Variants in PARPBP observed in about 807,000 individuals in gnomAD.
PARPBP encodes PARP1 binding protein.
In PARPBP, 52 loss-of-function variants were observed where a neutral mutation model predicts 50.0. The ratio of observed to expected loss-of-function variants is 1.04; its 90% CI spans 0.83 to 1.31. The LOEUF (loss-of-function observed/expected upper bound fraction) is 1.31, where lower values mean the gene tolerates loss of function less well. PARPBP is among the 50% of genes most tolerant of loss of function. The probability of loss-of-function intolerance (pLI) is 0.00; values close to 1 mark genes in which losing one functional copy is unlikely to be tolerated. For missense variants in PARPBP, 697 were observed against 672.0 expected (o/e 1.04, Z -0.41); for synonymous variants, 244 against 232.1 (o/e 1.05, Z -0.47).
chr12:102,155,452 G>C (rs909861813), intron 4 of PARPBP, among the ~76,000 whole-genome samples: 1 of 151,976 alleles, frequency 6.6e-6, no homozygotes, highest in Non-Finnish European at 1.5e-5. Context: ...CTGGGAAGGT[G>C]ACCGCATCCA....
intron 6 of PARPBP, among the ~76,000 whole-genome samples, chr12:102,174,791 T>A (rs1026491150): frequency 6.6e-6 from 1 of 152,226 alleles, no homozygotes; most frequent in Non-Finnish European, 1.5e-5. Flanking sequence ...ACTCTTAATT[T>A]TAGGTGTGGT....
intron 4 of PARPBP, among the ~76,000 whole-genome samples, chr12:102,162,651 T>A (rs1887719459): frequency 6.6e-6 from 1 of 152,072 alleles, no homozygotes; most frequent in Non-Finnish European, 1.5e-5. Context: ...TGGGACCTTT[T>A]CTCTACAAAA....
rs574571653 is a variant in PARPBP at position 102,192,280 on chromosome 12, A to G, written c.1264-3032A>G. 2.0e-5 allele frequency among the ~76,000 whole-genome samples: 3 copies of G among 152,272 alleles called. No individual in the cohort carries two copies. The South Asian group carries it at 6.2e-4, about 32-fold the overall frequency. ...GTCTACATAGATTTCTGCAGTTTAT[A>G]TAACCTTGACATATGTTAACTGCAT... is the stretch of plus-strand genomic sequence containing the variant. On this transcript the variant is annotated intron_variant, in intron 9 of 10. Coordinates refer to ENST00000327680, the MANE Select transcript of PARPBP (RefSeq NM_017915.5).
Position 102,157,993 on chromosome 12 carries a change from G to A in PARPBP, c.495+4017G>A, listed in dbSNP as rs191846305. On this transcript the variant is annotated intron_variant, in intron 4 of 10. Coordinates refer to ENST00000327680, the MANE Select transcript of PARPBP (RefSeq NM_017915.5). Reference sequence around the variant, plus strand: ...AAAGTAGCCAGGTGTAATGGTGGGCGCCTGTAGTCCCAGCTACTCTGGAGG... The same window carrying A: ...AAAGTAGCCAGGTGTAATGGTGGGCACCTGTAGTCCCAGCTACTCTGGAGG... 4.4e-4 allele frequency among the ~76,000 whole-genome samples: 67 copies of A among 151,872 alleles called. 1 individual carries two copies. The highest frequency in any genetic ancestry group is 1.6e-3 in the African/African-American group (65 of 41,434).
intron 4 of PARPBP, among the ~76,000 whole-genome samples, chr12:102,158,229 A>AGT (rs987669236): frequency 2.0e-5 from 3 of 152,070 alleles, no homozygotes. Context: ...AATGAGATGA[A>AGT]GTACCCTTCT....
At chr12:102,120,542 T>C (rs1880855097) in intron 1 of PARPBP, 1 of 455,572 alleles carries the variant, frequency 2.2e-6, no homozygotes, top group Non-Finnish European at 4.4e-6. Flanking sequence ...CGTAGAGGCC[T>C]GCTTAACTTC....
At chr12:102,172,297 C>G (rs773026704) in intron 6 of PARPBP, among the ~76,000 whole-genome samples, 1 of 152,244 alleles carries the variant, frequency 6.6e-6, no homozygotes, top group Admixed American at 6.5e-5. Flanking sequence ...CCTCCTCCTT[C>G]TCTCTACTTC....
At chr12:102,191,790 A>G (rs1408246392) in intron 9 of PARPBP, among the ~76,000 whole-genome samples, 1 of 152,182 alleles carries the variant, frequency 6.6e-6, no homozygotes, top group Non-Finnish European at 1.5e-5. Context: ...ATCACTCTAC[A>G]AAGGAATACT....
At chr12:102,123,162 T>C (rs1881422113) in intron 1 of PARPBP, among the ~76,000 whole-genome samples, 2 of 152,210 alleles carry the variant, frequency 1.3e-5, no homozygotes, top group African/African-American at 2.4e-5. Context: ...AGGCATCCAC[T>C]GTCTGACATG....
Position 102,196,769 on chromosome 12 carries a change from A to C in PARPBP, c.*478A>C. 1 of 1,275,750 alleles carries C rather than the reference A, an allele frequency of 7.8e-7. No homozygotes were observed. The highest frequency in any genetic ancestry group is 1.1e-6 in the Non-Finnish European group (1 of 877,786). 79.0% of individuals were successfully genotyped at this position (1,275,750 alleles called of 1,614,324 possible). The stretch of plus-strand genomic sequence containing the variant: ...TATCACACAAAATTTATTAAGAAAA[A>C]AAGAATGGATCTAGTATAACTAATT... On this transcript the variant is annotated 3_prime_UTR_variant, in exon 11 of 11. Transcript: ENST00000327680.
chr12:102,173,950 C>A (rs375254173), intron 6 of PARPBP, among the ~76,000 whole-genome samples: 2 of 146,838 alleles, frequency 1.4e-5, no homozygotes, highest in East Asian at 2.0e-4. Flanking sequence ...CACCTAAGTA[C>A]TTTTGTATTG....
chr12:102,146,378 A>G (rs1318553728), intron 2 of PARPBP, among the ~76,000 whole-genome samples: 1 of 152,200 alleles, frequency 6.6e-6, no homozygotes, highest in East Asian at 1.9e-4. Flanking sequence ...GATATAGATC[A>G]ATGGAACAGA....
chr12:102,175,645 C>T lies in PARPBP; in HGVS notation c.984C>T (p.Thr328=). ...AAGAAGGTGTTGTAGCTCTTAGCAC[C>T]ACTGACATCAGTCCTGCTCGGGTAA... is the stretch of plus-strand genomic sequence containing the variant. ...NSQEGVVALS[T]TDISPARPKS... is the part of the protein sequence containing the mutation. Residue 328 remains threonine (T), a synonymous_variant, in exon 7 of 11, where the codon ACC becomes ACT. Coordinates refer to ENST00000327680, the MANE Select transcript of PARPBP (RefSeq NM_017915.5). The T allele has an allele frequency of 6.2e-7, 1 of 1,611,736 alleles. No individual in the cohort carries two copies. Among genetic ancestry groups the T allele is most frequent in the South Asian group, 1.1e-5 (1 of 90,886 alleles).
At chr12:102,129,599 C>T (rs936712506) in intron 2 of PARPBP, among the ~76,000 whole-genome samples, 3 of 151,988 alleles carry the variant, frequency 2.0e-5, no homozygotes, top group African/African-American at 7.3e-5. Flanking sequence ...TAAATTTAAG[C>T]CTTTAATACA....
rs1280251416 is a variant in PARPBP at position 102,164,643 on chromosome 12, C to T, written c.666+35C>T. ...TGTGACATGTTCAAAATTAAGACTC[C>T]TTGCACAGTGGATCCATGTATCCTA... On this transcript the variant is annotated intron_variant, in intron 5 of 10. Transcript: ENST00000327680. 1.9e-6 allele frequency: 3 copies of T among 1,560,800 alleles called. No homozygotes were observed. In the South Asian group the frequency reaches 3.3e-5, roughly 17 times the overall value.
chr12:102,190,423 C>T (rs1890691533), intron 9 of PARPBP, among the ~76,000 whole-genome samples: 1 of 152,094 alleles, frequency 6.6e-6, no homozygotes, highest in Admixed American at 6.6e-5. Flanking sequence ...ATTTATACAG[C>T]TGAGGTGCAA....
In PARPBP at chr12:102,196,948, A is replaced by G. The variant is rs757313851; in HGVS notation, c.*657A>G. The stretch of plus-strand genomic sequence containing the variant: ...TGTTTAATGGTGGTAGGATGTAAGA[A>G]TTGAATTTTGAAAAGACTACTCACT... On this transcript the variant is annotated 3_prime_UTR_variant, in exon 11 of 11. Transcript: ENST00000327680. 7 of 1,569,578 alleles carry G rather than the reference A, an allele frequency of 4.5e-6. No homozygotes were observed. The highest frequency in any genetic ancestry group is 5.3e-6 in the Non-Finnish European group (6 of 1,141,508).
intron 4 of PARPBP, 84 bp from the exon 5 acceptor site, chr12:102,164,354 A>G: frequency 1.0e-6 from 1 of 959,886 alleles, no homozygotes; most frequent in Non-Finnish European, 1.6e-6. Flanking sequence ...TTGAATGATT[A>G]CATACATTTT....
chr12:102,191,846 C>T (rs1937647665), intron 9 of PARPBP, among the ~76,000 whole-genome samples: 1 of 152,112 alleles, frequency 6.6e-6, no homozygotes, highest in Non-Finnish European at 1.5e-5. Context: ...ATGATTTTAA[C>T]AGCCATGTAT....
Sources: gnomAD v4.1 joint callset for allele counts (sites outside exome capture counted in the v4.1 genomes callset) on GRCh38, gnomAD v4.1.1 for gene constraint, MANE v1.5 for transcripts, NCBI Gene and HGNC (gene_info 2026-07-23, HGNC 2026-07-21) for gene names.